Variants in XRN1 observed in about 807,000 individuals in gnomAD.
XRN1 encodes the protein 5'-3' exoribonuclease 1, also known as strand-exchange protein 1 homolog.
In XRN1, 67 loss-of-function variants were observed where a neutral mutation model predicts 222.3. The ratio of observed to expected loss-of-function variants is 0.30; its 90% CI spans 0.25 to 0.37. The LOEUF (loss-of-function observed/expected upper bound fraction) is 0.37, where lower values mean the gene tolerates loss of function less well. Ranked by LOEUF, XRN1 falls within the 10% of genes least tolerant of loss-of-function variation. The pLI, the probability that XRN1 is intolerant of heterozygous loss-of-function variation, is 1.00. For synonymous variants in XRN1, 643 were observed against 652.4 expected, an observed-to-expected ratio of 0.99 and a Z score of 0.22; for missense variants, 1,707 against 2,000.2, an observed-to-expected ratio of 0.85 and a Z score of 2.80.
intron 37 of XRN1, among the ~76,000 whole-genome samples, chr3:142,327,915 G>A (rs551259793): frequency 2.0e-5 from 3 of 152,172 alleles, no homozygotes; most frequent in East Asian, 1.9e-4. Context: ...ACTTATAAAT[G>A]AGAACATGTG....
intron 20 of XRN1, among the ~76,000 whole-genome samples, chr3:142,394,618 C>T (rs2107993091): frequency 6.6e-6 from 1 of 152,244 alleles, no homozygotes; most frequent in African/African-American, 2.4e-5. Context: ...ACACACAAAC[C>T]AACTTATATT....
chr3:142,325,492 G>A (rs2065491380), intron 37 of XRN1, among the ~76,000 whole-genome samples: 1 of 151,866 alleles, frequency 6.6e-6, no homozygotes, highest in Non-Finnish European at 1.5e-5. Context: ...TGGGTATATT[G>A]CATTTGCCCA....
At position 142,361,963 on chromosome 3, in the gene XRN1, C is replaced by CTTT. The variant is rs71153961; in HGVS notation, c.3395-2035_3395-2033dup. Among the ~76,000 whole-genome samples the CTTT allele has an allele frequency of 5.1e-3, 266 of 51,676 alleles. 10 individuals are homozygous for CTTT. The highest frequency in any genetic ancestry group is 0.015 in the African/African-American group (169 of 11,274). 33.9% of individuals were successfully genotyped at this position (51,676 alleles called of 152,430 possible). A position where few individuals can be genotyped will look rare whatever the true frequency, so the allele number is the denominator to read the frequency against. ...CTCTTTGTTTCTTTTCTTTTTCTCT[C>CTTT]TTTTTTTTTTTTTTTTTTTTTTTGA... is the stretch of plus-strand genomic sequence containing the variant. On this transcript the variant is annotated intron_variant, in intron 29 of 40. Transcript: ENST00000392981.
Position 142,370,609 on chromosome 3 carries a change from A to C in XRN1, c.3080T>G (p.Val1027Gly). ...TTTTAGCCAAGTAATAATTTCTTGA[A>C]CTTTTTCAGCACTAAAGCAAAAACA... The part of the protein sequence containing the change: ...PGENENGAEK[V>G]QEIITWLKGH... The change falls in exon 27 of 41, where the codon GTT becomes GGT. Residue 1027 changes from valine to glycine, a missense_variant. This residue lies in a region of XRN1 where 1,234 missense variants were observed against 1,518.2 expected (regional missense o/e 0.81). Transcript: ENST00000392981. 6.3e-7 allele frequency: 1 copy of C among 1,582,388 alleles called. No individual in the cohort carries two copies.
Position 142,342,500 on chromosome 3 carries a change from A to G in XRN1, c.3877+4734T>C, listed in dbSNP as rs1199067254. 2.6e-5 allele frequency among the ~76,000 whole-genome samples: 4 copies of G among 152,208 alleles called. No individual in the cohort carries two copies. In the East Asian group the frequency reaches 7.7e-4, roughly 29 times the overall value. ...GAATAGCCAAAGGTATCCTGAGCAA[A>G]AGGAACAAAACTGGAAGAATCACAT... On this transcript the variant is annotated intron_variant, in intron 33 of 40. Coordinates refer to ENST00000392981, the MANE Select transcript of XRN1 (RefSeq NM_001282857.2).
At chr3:142,415,404 G>A (rs1304832564) in intron 13 of XRN1, among the ~76,000 whole-genome samples, 1 of 152,190 alleles carries the variant, frequency 6.6e-6, no homozygotes, top group East Asian at 1.9e-4. Context: ...GAATCAGACA[G>A]GCTTTGACTT....
Position 142,417,019 on chromosome 3 carries a change from A to G in XRN1, c.1436+121T>C, listed in dbSNP as rs1385564591. ...ACTCCAGCCTGGGCAACAGAGTGAA[A>G]AAAAAAAAAAAAAAAAAATTACCAT... On this transcript the variant is annotated intron_variant, in intron 13 of 40. Coordinates refer to ENST00000392981, the MANE Select transcript of XRN1 (RefSeq NM_001282857.2). 4.3e-5 allele frequency: 13 copies of G among 301,706 alleles called. No individual in the cohort carries two copies. The Admixed American group carries it at 7.2e-4, about 17-fold the overall frequency. 18.7% of individuals were successfully genotyped at this position (301,706 alleles called of 1,614,324 possible). A position where few individuals can be genotyped will look rare whatever the true frequency, so the allele number is the denominator to read the frequency against.
chr3:142,326,811 G>T (rs1413489785), intron 37 of XRN1, among the ~76,000 whole-genome samples: 1 of 152,060 alleles, frequency 6.6e-6, no homozygotes, highest in Admixed American at 6.6e-5. Context: ...TACCCAGTTT[G>T]TTGAGAGCTG....
intron 8 of XRN1, 88 bp downstream of exon 8, chr3:142,422,494 T>C: frequency 7.4e-7 from 1 of 1,353,546 alleles, no homozygotes; most frequent in East Asian, 2.3e-5. Flanking sequence ...TTAGCGTGCA[T>C]GCAATAATCT....
rs1248184258 is a variant in XRN1, at chr3:142,431,857, TATATATAA to T, written c.308+796_308+803del. On this transcript the variant is annotated intron_variant, in intron 2 of 40. Coordinates refer to ENST00000392981, the MANE Select transcript of XRN1 (RefSeq NM_001282857.2). ...ATATAATATTAAAAAATATATATAT[TATATATAA>T]TATATTATATTATATATATTATATA... Among the ~76,000 whole-genome samples the T allele has an allele frequency of 3.1e-3, 115 of 36,886 alleles. 5 individuals carry two copies. Among genetic ancestry groups the T allele is most frequent in the African/African-American group, 0.017 (114 of 6,856 alleles). The allele number at this position is 36,886 out of a possible 152,430, so 24.2% of individuals were successfully genotyped here.
At chr3:142,428,467 C>T (rs2069364266) in intron 2 of XRN1, among the ~76,000 whole-genome samples, 1 of 151,362 alleles carries the variant, frequency 6.6e-6, no homozygotes, top group Non-Finnish European at 1.5e-5. Context: ...ATTAAACAGC[C>T]ATAATGTTTA....
At chr3:142,338,778 A>T (rs2107945747) in intron 33 of XRN1, among the ~76,000 whole-genome samples, 1 of 152,228 alleles carries the variant, frequency 6.6e-6, no homozygotes, top group South Asian at 2.1e-4. Flanking sequence ...CTGACTGAAG[A>T]ACCCTTGGGA....
chr3:142,412,097 T>C (rs891181776), intron 15 of XRN1, among the ~76,000 whole-genome samples: 1 of 152,196 alleles, frequency 6.6e-6, no homozygotes, highest in African/African-American at 2.4e-5. Context: ...GTGCTGGGAT[T>C]ACAGGCGTGA....
intron 33 of XRN1, among the ~76,000 whole-genome samples, chr3:142,346,849 G>A (rs943090155): frequency 6.6e-6 from 1 of 152,142 alleles, no homozygotes; most frequent in Admixed American, 6.6e-5. Flanking sequence ...ACAGAGGGCC[G>A]ACTGAACATG....
intron 37 of XRN1, among the ~76,000 whole-genome samples, chr3:142,322,821 G>C (rs1044970067): frequency 6.6e-6 from 1 of 152,082 alleles, no homozygotes; most frequent in African/African-American, 2.4e-5. Flanking sequence ...TGACCAACAT[G>C]GTGAAACCCC....
intron 34 of XRN1, among the ~76,000 whole-genome samples, chr3:142,334,821 G>A (rs1375326694): frequency 1.3e-5 from 2 of 149,878 alleles, no homozygotes; most frequent in Non-Finnish European, 3.0e-5. Flanking sequence ...TATATATTGG[G>A]AGCAACTACA....
At chr3:142,336,290 G>T (rs990954506) in intron 33 of XRN1, among the ~76,000 whole-genome samples, 16 of 152,030 alleles carry the variant, frequency 1.1e-4, no homozygotes, top group African/African-American at 3.6e-4. Context: ...TGTAATTATT[G>T]CATAATATTC....
intron 9 of XRN1, 76 bp downstream of exon 9, chr3:142,421,400 T>C: frequency 3.3e-6 from 4 of 1,203,518 alleles, no homozygotes; most frequent in Non-Finnish European, 4.7e-6. Context: ...ACCCCTTTCT[T>C]CTGGTATTAC....
chr3:142,423,188 T>A (rs532199614), intron 6 of XRN1, among the ~76,000 whole-genome samples: 1 of 152,202 alleles, frequency 6.6e-6, no homozygotes, highest in African/African-American at 2.4e-5. Context: ...AAATAACATA[T>A]AGTAGAAGTA....
Sources: allele counts gnomAD v4.1 joint callset (sites outside exome capture counted in the v4.1 genomes callset), GRCh38; gene constraint gnomAD v4.1.1; regional missense constraint gnomAD v4.1.1; transcripts MANE v1.5; gene names NCBI Gene and HGNC (gene_info 2026-07-23, HGNC 2026-07-21).